Variants in PTPRR observed in about 807,000 individuals in gnomAD.
The protein encoded by PTPRR is receptor-type tyrosine-protein phosphatase R.
In PTPRR, 38 loss-of-function variants were observed where a neutral mutation model predicts 77.2. The observed-to-expected ratio is 0.49, with a 90% CI of 0.38 to 0.65. The LOEUF is 0.65. Ranked by LOEUF, PTPRR falls within the 30% of genes least tolerant of loss-of-function variation. The probability of loss-of-function intolerance (pLI) is 0.00; values close to 1 mark genes in which losing one functional copy is unlikely to be tolerated. For missense variants in PTPRR, 744 were observed against 799.2 expected (o/e 0.93, Z 0.83); for synonymous variants, 299 against 283.1 (o/e 1.06, Z -0.57).
At chr12:70,905,176 T>C (rs781415810) in intron 1 of PTPRR, among the ~76,000 whole-genome samples, 1 of 151,554 alleles carries the variant, frequency 6.6e-6, no homozygotes, top group East Asian at 1.9e-4. Flanking sequence ...GGAGGGAGAT[T>C]AGGGATGTTA....
At chr12:70,887,110 T>C (rs1893252554) in intron 2 of PTPRR, among the ~76,000 whole-genome samples, 1 of 152,220 alleles carries the variant, frequency 6.6e-6, no homozygotes, top group South Asian at 2.1e-4. Flanking sequence ...TTTACATTTC[T>C]ACTTTTGAAA....
chr12:70,908,534 C>A (rs146519979), intron 1 of PTPRR, among the ~76,000 whole-genome samples: 2 of 152,266 alleles, frequency 1.3e-5, no homozygotes, highest in Admixed American at 1.3e-4. Context: ...TGAGAACTAA[C>A]TTACTACCAC....
intron 8 of PTPRR, among the ~76,000 whole-genome samples, chr12:70,687,232 A>T (rs918220876): frequency 1.5e-5 from 1 of 66,898 alleles, no homozygotes; most frequent in African/African-American, 4.1e-5. Context: ...TTAGAATTTA[A>T]CAAGGCCATT....
rs375414311 is a variant in PTPRR, at chr12:70,657,367, G to T, written c.1767-550C>A. Among the ~76,000 whole-genome samples, 12 of 152,166 alleles carry T rather than the reference G, an allele frequency of 7.9e-5. No individual in the cohort carries two copies. The East Asian group carries it at 1.7e-3, about 22-fold the overall frequency. On this transcript the variant is annotated intron_variant, in intron 12 of 13. Transcript: ENST00000283228. ...CAATTGAAGATTGGATTCATTTTAG[G>T]AGAGGGTGCAGCTAGAGGCACATAT...
intron 12 of PTPRR, 71 bp from the exon 13 acceptor site, chr12:70,656,888 G>C: frequency 9.2e-7 from 1 of 1,082,770 alleles, no homozygotes; most frequent in Non-Finnish European, 1.4e-6. Flanking sequence ...CTTTTACAAG[G>C]GTACTTTTAA....
chr12:70,730,741 T>C (rs1160375934), intron 6 of PTPRR, among the ~76,000 whole-genome samples: 1 of 151,730 alleles, frequency 6.6e-6, no homozygotes, highest in African/African-American at 2.4e-5. Flanking sequence ...AGTGGACTAC[T>C]TGAGCCCAGG....
intron 2 of PTPRR, among the ~76,000 whole-genome samples, chr12:70,881,972 G>A (rs4760768): frequency 0.52 from 78,612 of 151,964 alleles, 20,650 homozygotes; most frequent in East Asian, 0.61. Flanking sequence ...TAAAGTATTG[G>A]GTGTTTATTG....
intron 2 of PTPRR, among the ~76,000 whole-genome samples, chr12:70,844,316 T>C (rs886154453): frequency 6.6e-5 from 10 of 152,190 alleles, no homozygotes; most frequent in Non-Finnish European, 1.2e-4. Flanking sequence ...GGCATCCATA[T>C]GCAAAAGATG....
intron 2 of PTPRR, among the ~76,000 whole-genome samples, chr12:70,863,413 C>T (rs768464807): frequency 6.6e-6 from 1 of 152,062 alleles, no homozygotes; most frequent in African/African-American, 2.4e-5. Flanking sequence ...GCATGACTGT[C>T]CTACTTTTAT....
At chr12:70,882,823 T>C (rs1454087910) in intron 2 of PTPRR, among the ~76,000 whole-genome samples, 1 of 152,250 alleles carries the variant, frequency 6.6e-6, no homozygotes, top group African/African-American at 2.4e-5. Flanking sequence ...CTTTGATGTA[T>C]ACTTTGCCTA....
rs182429676 is a variant in PTPRR, at chr12:70,789,086, G to A, written c.358-24308C>T. On this transcript the variant is annotated intron_variant, in intron 2 of 13. Transcript: ENST00000283228. ...ACAGTTTACTAGAATTGAAATTCAT[G>A]GGGATTTTTTTTTTCCATGGGAATT... The A allele has an allele frequency of 1.5e-4, 67 of 448,336 alleles. No individual in the cohort carries two copies. In the East Asian group the frequency reaches 2.4e-3, roughly 16 times the overall value. 27.8% of individuals were successfully genotyped at this position (448,336 alleles called of 1,614,324 possible).
intron 2 of PTPRR, among the ~76,000 whole-genome samples, chr12:70,805,065 G>T (rs891792770): frequency 6.6e-6 from 1 of 152,010 alleles, no homozygotes; most frequent in East Asian, 1.9e-4. Flanking sequence ...CACAGGAATA[G>T]CCTTTTATTT....
chr12:70,864,961 G>A (rs145708085), intron 2 of PTPRR, among the ~76,000 whole-genome samples: 103 of 151,916 alleles, frequency 6.8e-4, no homozygotes, highest in African/African-American at 2.3e-3. Flanking sequence ...ACAGGCGTGC[G>A]TCACCACACC....
chr12:70,672,494 C>T (rs539164539), intron 10 of PTPRR: 1 of 1,184,258 alleles, frequency 8.4e-7, no homozygotes, highest in East Asian at 2.5e-5. Flanking sequence ...AACGTGAGTG[C>T]TCATGACTGG....
intron 2 of PTPRR, among the ~76,000 whole-genome samples, chr12:70,777,559 T>A (rs1183822175): frequency 6.6e-6 from 1 of 152,210 alleles, no homozygotes; most frequent in Non-Finnish European, 1.5e-5. Flanking sequence ...TATTGTTATA[T>A]CTAATGCTAT....
At chr12:70,738,763 A>G (rs1889955458) in intron 6 of PTPRR, among the ~76,000 whole-genome samples, 2 of 152,224 alleles carry the variant, frequency 1.3e-5, no homozygotes, top group South Asian at 4.1e-4. Context: ...GGGACAAAAG[A>G]CAAGAGGGAA....
At chr12:70,826,847 A>G (rs1892117852) in intron 2 of PTPRR, among the ~76,000 whole-genome samples, 3 of 152,118 alleles carry the variant, frequency 2.0e-5, no homozygotes. Context: ...GCTCTATTGG[A>G]TCTGATCCCT....
intron 2 of PTPRR, among the ~76,000 whole-genome samples, chr12:70,884,359 A>T (rs1186433017): frequency 6.6e-6 from 1 of 152,190 alleles, no homozygotes; most frequent in Non-Finnish European, 1.5e-5. Flanking sequence ...ACAGGCACTT[A>T]TGATTACAGA....
chr12:70,820,520 C>T (rs558065402), intron 2 of PTPRR, among the ~76,000 whole-genome samples: 2 of 152,034 alleles, frequency 1.3e-5, no homozygotes, highest in South Asian at 2.1e-4. Flanking sequence ...TTTTTAGTAG[C>T]GACGGAGTTT....
Sources: gnomAD v4.1 joint callset for allele counts (sites outside exome capture counted in the v4.1 genomes callset) on GRCh38, gnomAD v4.1.1 for gene constraint, MANE v1.5 for transcripts, NCBI Gene and HGNC (gene_info 2026-07-23, HGNC 2026-07-21) for gene names.